The following ATP8A1 variants were observed in gnomAD, a reference collection of about 807,000 sequenced individuals.
ATP8A1 encodes ATPase phospholipid transporting 8A1.
ATP8A1 carries 90 observed loss-of-function variants against 177.7 expected under a neutral mutation model. The ratio of observed to expected loss-of-function variants is 0.51; its 90% CI spans 0.43 to 0.60. The LOEUF is 0.60. Among genes scored for constraint, ATP8A1 ranks in the 20% least tolerant of loss-of-function variants. The probability of loss-of-function intolerance (pLI) is 0.00; values close to 1 mark genes in which losing one functional copy is unlikely to be tolerated. For missense variants in ATP8A1, 1,072 were observed against 1,392.8 expected, an observed-to-expected ratio of 0.77 and a Z score of 3.67; for synonymous variants, 493 against 485.9, an observed-to-expected ratio of 1.01 and a Z score of -0.19.
intron 9 of ATP8A1, 101 bp downstream of exon 9, chr4:42,586,248 C>G: frequency 7.1e-7 from 1 of 1,399,626 alleles, no homozygotes; most frequent in East Asian, 2.3e-5. Flanking sequence ...AGGACTCAAA[C>G]TTAGCACACA....
chr4:42,616,449 T>A (rs1417636745), intron 4 of ATP8A1, among the ~76,000 whole-genome samples: 1 of 152,204 alleles, frequency 6.6e-6, no homozygotes, highest in African/African-American at 2.4e-5. Context: ...AAAAAGGAGA[T>A]TGCCTGAGAG....
At position 42,620,338 on chromosome 4, in the gene ATP8A1, T is replaced by C. The variant is rs1295566644; in HGVS notation, c.363+4198A>G. ...ACAGTGATTTCATTGGAAAACTACT[T>C]CATATGATACTATTATCTCACAATA... On this transcript the variant is annotated intron_variant, in intron 4 of 36. Transcript: ENST00000381668. Among the ~76,000 whole-genome samples the C allele has an allele frequency of 2.6e-4, 40 of 152,224 alleles. 1 individual carries two copies.
chr4:42,635,776 C>CATATATATAT (rs1489319364), intron 1 of ATP8A1, among the ~76,000 whole-genome samples: 3 of 37,212 alleles, frequency 8.1e-5, no homozygotes, highest in South Asian at 2.0e-3. Context: ...CACACACACA[C>CATATATATAT]ACACACATAT....
At chr4:42,472,976 G>A (rs1330970892) in intron 25 of ATP8A1, among the ~76,000 whole-genome samples, 6 of 152,084 alleles carry the variant, frequency 3.9e-5, no homozygotes, top group African/African-American at 1.4e-4. Flanking sequence ...GGGTCTAAAC[G>A]TAAATGGAAA....
chr4:42,469,705 A>G (rs190625931), intron 25 of ATP8A1, among the ~76,000 whole-genome samples: 192 of 152,284 alleles, frequency 1.3e-3, no homozygotes, highest in African/African-American at 4.2e-3. Context: ...GAAATAGCAC[A>G]TAATAAATTT....
intron 9 of ATP8A1, 88 bp from the exon 10 acceptor site, chr4:42,581,820 A>G (rs974285322): frequency 9.7e-6 from 9 of 923,202 alleles, no homozygotes; most frequent in African/African-American, 3.3e-5. Context: ...AGTACCCATT[A>G]TTAAAATAAC....
chr4:42,579,796 A>C lies in ATP8A1; in HGVS notation c.1000+17T>G. ...TGTCTTAATCTAAAAAAGTGCAGTA[A>C]GCACTTTATTGCTTACAGTTTAGAT... is the stretch of plus-strand genomic sequence containing the variant. On this transcript the variant is annotated intron_variant, in intron 11 of 36. Coordinates refer to ENST00000381668, the MANE Select transcript of ATP8A1 (RefSeq NM_006095.2). 1.3e-6 allele frequency: 2 copies of C among 1,597,794 alleles called. No individual in the cohort carries two copies. Among genetic ancestry groups the C allele is most frequent in the Non-Finnish European group, 1.7e-6 (2 of 1,172,094 alleles).
At chr4:42,527,638 G>T (rs535734019) in intron 20 of ATP8A1, among the ~76,000 whole-genome samples, 4 of 152,292 alleles carry the variant, frequency 2.6e-5, no homozygotes, top group African/African-American at 9.6e-5. Context: ...CTAGACTAAA[G>T]TCCCAGCGAG....
chr4:42,651,346 CA>C (rs1234101690), intron 1 of ATP8A1, among the ~76,000 whole-genome samples: 1 of 152,026 alleles, frequency 6.6e-6, no homozygotes, highest in Non-Finnish European at 1.5e-5. Context: ...GGGTAACAGG[CA>C]GAGGTTGAAA....
At chr4:42,591,003 T>C in intron 6 of ATP8A1, 119 bp from the exon 7 acceptor site, 1 of 902,218 alleles carries the variant, frequency 1.1e-6, no homozygotes, top group Non-Finnish European at 1.7e-6. Flanking sequence ...AAATAATACA[T>C]GTTAATAAAA....
intron 1 of ATP8A1, among the ~76,000 whole-genome samples, chr4:42,635,853 AGCTCCT>A (rs1174259474): frequency 7.2e-6 from 1 of 139,024 alleles, no homozygotes; most frequent in Non-Finnish European, 1.6e-5. Context: ...CAGGTGCAGC[AGCTCCT>A]GGAAGCACAT....
At chr4:42,610,159 AT>A (rs375207042) in intron 5 of ATP8A1, among the ~76,000 whole-genome samples, 7,082 of 142,348 alleles carry the variant, frequency 0.05, 209 homozygotes, top group African/African-American at 0.089. Context: ...TTGGCCCTTA[AT>A]TTTTTTTTTT....
intron 22 of ATP8A1, among the ~76,000 whole-genome samples, chr4:42,518,282 T>C (rs549901115): frequency 4.6e-5 from 7 of 152,240 alleles, no homozygotes; most frequent in Non-Finnish European, 8.8e-5. Context: ...ATGTTGTGAA[T>C]ATAATACTAC....
intron 20 of ATP8A1, among the ~76,000 whole-genome samples, chr4:42,532,852 CACCCTA>C (rs1727415521): frequency 6.6e-6 from 1 of 152,188 alleles, no homozygotes; most frequent in South Asian, 2.1e-4. Flanking sequence ...GTTCCTGCCC[CACCCTA>C]ACTGATACGA....
At chr4:42,602,112 T>A (rs978928766) in intron 5 of ATP8A1, among the ~76,000 whole-genome samples, 1 of 152,144 alleles carries the variant, frequency 6.6e-6, no homozygotes, top group African/African-American at 2.4e-5. Context: ...TTCATTAATT[T>A]AAAAAAATAA....
At chr4:42,605,558 T>C (rs1735714323) in intron 5 of ATP8A1, among the ~76,000 whole-genome samples, 1 of 152,198 alleles carries the variant, frequency 6.6e-6, no homozygotes, top group Admixed American at 6.5e-5. Context: ...TGGAAGCCAG[T>C]GGCACTTACA....
chr4:42,448,918 C>G (rs1335531381), intron 30 of ATP8A1, among the ~76,000 whole-genome samples: 4 of 150,458 alleles, frequency 2.7e-5, no homozygotes, highest in Non-Finnish European at 4.4e-5. Context: ...TCACTGCAAC[C>G]TCCACCTCCT....
At chr4:42,592,442 A>G (rs1461410712) in intron 6 of ATP8A1, among the ~76,000 whole-genome samples, 1 of 152,172 alleles carries the variant, frequency 6.6e-6, no homozygotes, top group African/African-American at 2.4e-5. Context: ...ATACAAATTC[A>G]GGGCAGTATA....
intron 35 of ATP8A1, 87 bp from the exon 36 acceptor site, chr4:42,414,805 CTT>C (rs1373055707): frequency 1.0e-6 from 1 of 958,630 alleles, no homozygotes; most frequent in Admixed American, 1.8e-5. Context: ...GAGAGTTAGA[CTT>C]AAACAAAAGA....
Sources: allele counts gnomAD v4.1 joint callset (sites outside exome capture counted in the v4.1 genomes callset), GRCh38; gene constraint gnomAD v4.1.1; transcripts MANE v1.5; gene names NCBI Gene and HGNC (gene_info 2026-07-23, HGNC 2026-07-21).